Variants in SUMF1 observed in about 807,000 individuals in gnomAD.
The protein encoded by SUMF1 is formylglycine-generating enzyme.
In SUMF1, 48 loss-of-function variants were observed where a neutral mutation model predicts 47.6. The ratio of observed to expected loss-of-function variants is 1.01; its 90% CI spans 0.80 to 1.28. The LOEUF (loss-of-function observed/expected upper bound fraction) is 1.28, where lower values mean the gene tolerates loss of function less well. SUMF1 is among the 50% of genes most tolerant of loss of function. The pLI, the probability that SUMF1 is intolerant of heterozygous loss-of-function variation, is 0.00. For synonymous variants in SUMF1, 230 were observed against 192.1 expected (o/e 1.20, Z -1.63); for missense variants, 571 against 485.4 (o/e 1.18, Z -1.66).
At chr3:4,246,477 C>T (rs1696673439) in intron 8 of SUMF1, among the ~76,000 whole-genome samples, 1 of 152,092 alleles carries the variant, frequency 6.6e-6, no homozygotes, top group Non-Finnish European at 1.5e-5. Flanking sequence ...TCTCGGCTCA[C>T]CATAACCTCT....
chr3:4,385,328 G>A (rs1409159937), intron 7 of SUMF1, among the ~76,000 whole-genome samples: 10 of 152,120 alleles, frequency 6.6e-5, no homozygotes, highest in African/African-American at 1.9e-4. Context: ...ATTCTGATAC[G>A]TGTGTAGTTG....
intron 8 of SUMF1, among the ~76,000 whole-genome samples, chr3:4,188,382 C>G (rs907638740): frequency 6.6e-5 from 10 of 152,060 alleles, no homozygotes; most frequent in Non-Finnish European, 1.3e-4. Context: ...AATATAATGG[C>G]ATGTATCCAA....
chr3:4,041,589 C>T (rs317581), intron 9 of SUMF1, among the ~76,000 whole-genome samples: 137,718 of 152,230 alleles, frequency 0.9, 63,868 homozygotes, highest in Non-Finnish European at 1. Context: ...TCCCAGATAG[C>T]TGGCATATCT....
chr3:4,262,003 G>A (rs926773807), intron 8 of SUMF1, among the ~76,000 whole-genome samples: 5 of 152,128 alleles, frequency 3.3e-5, no homozygotes, highest in African/African-American at 7.2e-5. Flanking sequence ...GAAACCAAAC[G>A]TATAACAAGG....
intron 8 of SUMF1, among the ~76,000 whole-genome samples, chr3:4,292,304 T>C (rs1697756335): frequency 6.6e-5 from 10 of 152,234 alleles, no homozygotes; most frequent in African/African-American, 2.4e-5. Context: ...TCTTAAGTCA[T>C]TGATTAAACG....
chr3:4,330,073 A>G (rs572249916), intron 8 of SUMF1, among the ~76,000 whole-genome samples: 1 of 152,258 alleles, frequency 6.6e-6, no homozygotes, highest in East Asian at 1.9e-4. Context: ...CAAGTTCCTC[A>G]TCTCCATCTG....
intron 8 of SUMF1, among the ~76,000 whole-genome samples, chr3:4,111,006 A>C (rs1693289959): frequency 6.7e-6 from 1 of 148,600 alleles, no homozygotes; most frequent in Non-Finnish European, 1.5e-5. Flanking sequence ...TAAAAAAAGA[A>C]ACTTACAATC....
chr3:4,295,585 A>C (rs968474639), intron 8 of SUMF1, among the ~76,000 whole-genome samples: 5 of 152,188 alleles, frequency 3.3e-5, no homozygotes, highest in South Asian at 2.1e-4. Flanking sequence ...AACTGCAAAC[A>C]AAGCAAGTCT....
chr3:4,046,879 T>A (rs1695017176), intron 9 of SUMF1, among the ~76,000 whole-genome samples: 1 of 151,728 alleles, frequency 6.6e-6, no homozygotes, highest in Non-Finnish European at 1.5e-5. Context: ...CTTGAAACTT[T>A]CCAGGAGGCT....
chr3:4,442,421 A>G (rs62231414), intron 3 of SUMF1, among the ~76,000 whole-genome samples: 1 of 24,162 alleles, frequency 4.1e-5, no homozygotes, highest in South Asian at 2.0e-3. Flanking sequence ...ACGCCCGGCT[A>G]ATTTTTTTTT....
intron 8 of SUMF1, among the ~76,000 whole-genome samples, chr3:4,343,020 C>T (rs964747853): frequency 6.6e-6 from 1 of 152,212 alleles, no homozygotes; most frequent in Non-Finnish European, 1.5e-5. Flanking sequence ...TATATAATCT[C>T]CAGTCTCAGT....
At chr3:4,459,549 C>T (rs959638403) in intron 1 of SUMF1, among the ~76,000 whole-genome samples, 4 of 152,080 alleles carry the variant, frequency 2.6e-5, no homozygotes, top group African/African-American at 4.8e-5. Context: ...TGATTCTATG[C>T]GTGTACTTCC....
At position 4,415,706 on chromosome 3, in the gene SUMF1, G is replaced by A. The variant is rs559152764; in HGVS notation, c.840+1422C>T. ...TGTGCACCTGTAGTCCCAGCTACTC[G>A]GGAGGTTGAAATGGGAGAATTGGTT... On this transcript the variant is annotated intron_variant, in intron 6 of 8. Coordinates refer to ENST00000272902, the MANE Select transcript of SUMF1 (RefSeq NM_182760.4). Among the ~76,000 whole-genome samples, 10 of 152,188 alleles carry A rather than the reference G, an allele frequency of 6.6e-5. No homozygotes were observed. The East Asian group carries it at 9.7e-4, about 15-fold the overall frequency.
chr3:4,050,471 G>C (rs1427963933), intron 9 of SUMF1, among the ~76,000 whole-genome samples: 1 of 151,984 alleles, frequency 6.6e-6, no homozygotes, highest in Non-Finnish European at 1.5e-5. Flanking sequence ...GCCAGGTGTA[G>C]TGGCTCATGC....
At chr3:4,159,778 G>A (rs923219616) in intron 8 of SUMF1, among the ~76,000 whole-genome samples, 25 of 152,242 alleles carry the variant, frequency 1.6e-4, no homozygotes, top group Non-Finnish European at 3.2e-4. Context: ...GTTTGCCTGA[G>A]AAAGTCTTAA....
intron 8 of SUMF1, among the ~76,000 whole-genome samples, chr3:4,351,743 A>G (rs898166171): frequency 2.0e-5 from 3 of 152,172 alleles, no homozygotes; most frequent in Non-Finnish European, 4.4e-5. Flanking sequence ...GTGTAGTCGT[A>G]GCCTCGGCCA....
intron 3 of SUMF1, among the ~76,000 whole-genome samples, chr3:4,427,676 TCAATA>T (rs1389550597): frequency 6.6e-6 from 1 of 152,200 alleles, no homozygotes; most frequent in Admixed American, 6.5e-5. Flanking sequence ...CTTGAACTTT[TCAATA>T]CTTTTTGGTT....
chr3:4,303,831 G>T, intron 8 of SUMF1: 1 of 1,356,742 alleles, frequency 7.4e-7, no homozygotes, highest in Non-Finnish European at 9.8e-7. Context: ...ATCACGGGGG[G>T]AGTCATTTAC....
At chr3:4,119,476 C>G (rs1373600739) in intron 8 of SUMF1, among the ~76,000 whole-genome samples, 1 of 152,114 alleles carries the variant, frequency 6.6e-6, no homozygotes, top group East Asian at 1.9e-4. Context: ...CTGAATGCCT[C>G]AGGCTCCTTC....
Sources: allele counts gnomAD v4.1 joint callset (sites outside exome capture counted in the v4.1 genomes callset), GRCh38; gene constraint gnomAD v4.1.1; transcripts MANE v1.5; gene names NCBI Gene and HGNC (gene_info 2026-07-23, HGNC 2026-07-21).